Variants in GTF2F1 observed in about 807,000 individuals in gnomAD.
GTF2F1 encodes the protein general transcription factor IIF subunit 1, also known as general transcription factor IIF 74 kDa subunit.
Under a neutral mutation model 63.5 loss-of-function variants are expected in GTF2F1, and 39 were observed. That is an observed-to-expected ratio of 0.61 (90% CI 0.48 to 0.80). The LOEUF (loss-of-function observed/expected upper bound fraction) is 0.80, where lower values mean the gene tolerates loss of function less well. GTF2F1 is among the 30% of genes least tolerant of loss of function. The probability of loss-of-function intolerance (pLI) is 0.00; values close to 1 mark genes in which losing one functional copy is unlikely to be tolerated. For missense variants in GTF2F1, 657 were observed against 718.3 expected, an observed-to-expected ratio of 0.91 and a Z score of 0.97; for synonymous variants, 287 against 285.3, an observed-to-expected ratio of 1.01 and a Z score of -0.06.
intron 6 of GTF2F1, among the ~76,000 whole-genome samples, 182 bp from the exon 7 acceptor site, chr19:6,382,032 C>T (rs1289230862): frequency 6.6e-6 from 1 of 152,108 alleles, no homozygotes; most frequent in Non-Finnish European, 1.5e-5. Context: ...GCAGACCCCA[C>T]ACCCCCACCC....
intron 4 of GTF2F1, among the ~76,000 whole-genome samples, chr19:6,389,213 G>C (rs909240133): frequency 2.6e-5 from 4 of 152,094 alleles, no homozygotes; most frequent in African/African-American, 9.7e-5. Context: ...TCCAGCCTGG[G>C]CGACAGAGCA....
At position 6,391,884 on chromosome 19, in the gene GTF2F1, C is replaced by A; in HGVS notation, c.132+18G>T. On this transcript the variant is annotated intron_variant, in intron 3 of 12. Transcript: ENST00000394456. The stretch of plus-strand genomic sequence containing the variant: ...TCTCACCACCCCAGCCCCTGACCCC[C>A]AGGACTCAGAGACTTACCTGATTCC... 1.3e-6 allele frequency: 2 copies of A among 1,482,300 alleles called. No individual in the cohort carries two copies. The highest frequency in any genetic ancestry group is 2.3e-5 in the East Asian group (1 of 43,412). The allele number at this position is 1,482,300 out of a possible 1,614,324, so 91.8% of individuals were successfully genotyped here. A position where few individuals can be genotyped will look rare whatever the true frequency, so the allele number is the denominator to read the frequency against.
At chr19:6,384,602 T>G (rs1231937028) in intron 5 of GTF2F1, among the ~76,000 whole-genome samples, 1 of 151,732 alleles carries the variant, frequency 6.6e-6, no homozygotes, top group Non-Finnish European at 1.5e-5. Context: ...TGCTTAACAC[T>G]GTGAGTGGCT....
rs750911516 is a variant in GTF2F1 at position 6,393,021 on chromosome 19, G to C, written c.-26C>G. The C allele has an allele frequency of 3.7e-6, 6 of 1,613,356 alleles. No individual in the cohort carries two copies. Among genetic ancestry groups the C allele is most frequent in the South Asian group, 1.1e-5 (1 of 91,050 alleles). ...GGGCAATGGTCAGTGGTTCCGATCT[G>C]GTCCGACCCGGGTTCCTTTCGTCTC... On this transcript the variant is annotated 5_prime_UTR_variant, in exon 1 of 13. Transcript: ENST00000394456.
At chr19:6,392,757 G>T in intron 2 of GTF2F1, 100 bp downstream of exon 2, 1 of 1,194,204 alleles carries the variant, frequency 8.4e-7, no homozygotes, top group Non-Finnish European at 1.3e-6. Context: ...GGTCTGGAGG[G>T]AGAACCACAG....
intron 4 of GTF2F1, among the ~76,000 whole-genome samples, chr19:6,388,541 T>C (rs1327074300): frequency 2.0e-5 from 3 of 152,058 alleles, no homozygotes; most frequent in Non-Finnish European, 4.4e-5. Flanking sequence ...CTCTGAGAGG[T>C]CATCTCAAGT....
In GTF2F1 at chr19:6,381,938, T is replaced by C. The variant is rs2091953968; in HGVS notation, c.683-88A>G. 1 of 1,169,060 alleles carries C rather than the reference T, an allele frequency of 8.6e-7. No homozygotes were observed. Among genetic ancestry groups the C allele is most frequent in the African/African-American group, 1.5e-5 (1 of 65,588 alleles). The allele number at this position is 1,169,060 out of a possible 1,614,324, so 72.4% of individuals were successfully genotyped here. A position where few individuals can be genotyped will look rare whatever the true frequency, so the allele number is the denominator to read the frequency against. On this transcript the variant is annotated intron_variant, in intron 6 of 12. Transcript: ENST00000394456. The surrounding 1 kb of genome is among the most constrained non-coding windows in gnomAD (Gnocchi z 4.1). The stretch of plus-strand genomic sequence containing the variant: ...GTGTTTTTCACATTTTGTGCAGTTT[T>C]GACATCCTGGGGGGCCTCACTGACT...
At chr19:6,389,266 C>A (rs1368447846) in intron 4 of GTF2F1, among the ~76,000 whole-genome samples, 178 bp downstream of exon 4, 1 of 150,998 alleles carries the variant, frequency 6.6e-6, no homozygotes, top group Non-Finnish European at 1.5e-5. Context: ...AATAAGATAA[C>A]ATAAATAAAT....
rs1202302588 is a variant in GTF2F1 at position 6,393,011 on chromosome 19, G to A, written c.-16C>T. The A allele has an allele frequency of 6.2e-7, 1 of 1,613,792 alleles. No homozygotes were observed. On this transcript the variant is annotated 5_prime_UTR_variant, in exon 1 of 13. Transcript: ENST00000394456. ...GGGCCGCCATGGGCAATGGTCAGTG[G>A]TTCCGATCTGGTCCGACCCGGGTTC...
Position 6,380,851 on chromosome 19 carries a change from G to T in GTF2F1, c.1231+53C>A. 2 of 1,519,264 alleles carry T rather than the reference G, an allele frequency of 1.3e-6. No individual in the cohort carries two copies. Among genetic ancestry groups the T allele is most frequent in the Non-Finnish European group, 8.8e-7 (1 of 1,136,008 alleles). 94.1% of individuals were successfully genotyped at this position (1,519,264 alleles called of 1,614,324 possible). On this transcript the variant is annotated intron_variant, in intron 11 of 12. Coordinates refer to ENST00000394456, the MANE Select transcript of GTF2F1 (RefSeq NM_002096.3). This position sits in a 1 kb window ranked among gnomAD's most constrained non-coding sequence, Gnocchi z 5.3. ...CTCTCTGTCCTGAGCCCCAACAGAG[G>T]TCAGGAGGCTGTGGCTGTGGCTGTG...
In GTF2F1 at chr19:6,380,228, G is replaced by A; in HGVS notation, c.*53C>T. 7.0e-7 allele frequency: 1 copy of A among 1,422,538 alleles called. No individual in the cohort carries two copies. Among genetic ancestry groups the A allele is most frequent in the Admixed American group, 1.7e-5 (1 of 59,752 alleles). The allele number at this position is 1,422,538 out of a possible 1,614,324, so 88.1% of individuals were successfully genotyped here. A position where few individuals can be genotyped will look rare whatever the true frequency, so the allele number is the denominator to read the frequency against. On this transcript the variant is annotated 3_prime_UTR_variant, in exon 13 of 13. Coordinates refer to ENST00000394456, the MANE Select transcript of GTF2F1 (RefSeq NM_002096.3). The surrounding 1 kb of genome is among the most constrained non-coding windows in gnomAD (Gnocchi z 5.3). ...AGAGCCTCACTCTAGGATGGCGAAG[G>A]GGCAGTGAGAGCCTTAAGTTCTGGG...
chr19:6,381,488 G>A lies in GTF2F1; in HGVS notation c.899-10C>T, dbSNP rs781627280. The stretch of plus-strand genomic sequence containing the variant: ...CTCTGCTCATCGACACCTGGGAGGG[G>A]CAGGGTATGAGCAAGAGCAGGGAAG... On this transcript the variant is annotated splice_polypyrimidine_tract_variant and intron_variant, in intron 8 of 12. Transcript: ENST00000394456. This position sits in a 1 kb window ranked among gnomAD's most constrained non-coding sequence, Gnocchi z 4.1. The A allele has an allele frequency of 5.0e-6, 8 of 1,607,592 alleles. No individual in the cohort carries two copies. The African/African-American group carries it at 8.0e-5, about 16-fold the overall frequency.
At chr19:6,384,810 G>A (rs2091968200) in intron 5 of GTF2F1, among the ~76,000 whole-genome samples, 1 of 151,920 alleles carries the variant, frequency 6.6e-6, no homozygotes, top group South Asian at 2.1e-4. Flanking sequence ...TTGAGTTGGA[G>A]TCTTGATCTG....
intron 5 of GTF2F1, among the ~76,000 whole-genome samples, chr19:6,385,055 C>T (rs755304791): frequency 6.6e-6 from 1 of 151,906 alleles, no homozygotes; most frequent in Non-Finnish European, 1.5e-5. Context: ...CTCCACGTGC[C>T]CAGCCTGAAC....
At position 6,387,609 on chromosome 19, in the gene GTF2F1, C is replaced by A. The variant is rs755821462; in HGVS notation, c.327-50G>T. The A allele has an allele frequency of 2.3e-6, 3 of 1,300,324 alleles. No individual in the cohort carries two copies. The East Asian group carries it at 6.8e-5, about 30-fold the overall frequency. 80.5% of individuals were successfully genotyped at this position (1,300,324 alleles called of 1,614,324 possible). ...TGGCCCATAGGGACCAGCCCCAGCC[C>A]CCCCGTGTCCCCCCGGGGCCTGCCT... On this transcript the variant is annotated intron_variant, in intron 4 of 12. Coordinates refer to ENST00000394456, the MANE Select transcript of GTF2F1 (RefSeq NM_002096.3).
chr19:6,386,212 C>A (rs1461638415), intron 5 of GTF2F1, among the ~76,000 whole-genome samples: 1 of 151,950 alleles, frequency 6.6e-6, no homozygotes, highest in Non-Finnish European at 1.5e-5. Context: ...TGGTGAAACC[C>A]TGTCTCTACA....
chr19:6,381,522 C>T lies in GTF2F1; in HGVS notation c.898+32G>A, dbSNP rs769300843. 2 of 1,610,640 alleles carry T rather than the reference C, an allele frequency of 1.2e-6. No individual in the cohort carries two copies. Among genetic ancestry groups the T allele is most frequent in the South Asian group, 1.1e-5 (1 of 91,046 alleles). On this transcript the variant is annotated intron_variant, in intron 8 of 12. Coordinates refer to ENST00000394456, the MANE Select transcript of GTF2F1 (RefSeq NM_002096.3). The surrounding 1 kb of genome is among the most constrained non-coding windows in gnomAD (Gnocchi z 4.1). Reference sequence around the variant, plus strand: ...GAGCAAGAGCAGGGAAGCACCGCCCCCATCTCCCCGGCCCGCCCAGCCATC... The same window carrying T: ...GAGCAAGAGCAGGGAAGCACCGCCCTCATCTCCCCGGCCCGCCCAGCCATC...
At chr19:6,386,589 G>T (rs956982893) in intron 5 of GTF2F1, among the ~76,000 whole-genome samples, 3 of 151,844 alleles carry the variant, frequency 2.0e-5, no homozygotes, top group African/African-American at 2.4e-5. Flanking sequence ...GACTACAGGC[G>T]CCCGCCACCA....
chr19:6,380,134 G>T lies in GTF2F1; in HGVS notation c.*147C>A. On this transcript the variant is annotated 3_prime_UTR_variant, in exon 13 of 13. Transcript: ENST00000394456. This position sits in a 1 kb window ranked among gnomAD's most constrained non-coding sequence, Gnocchi z 5.3. ...GCTAACTACGGGGCCCTGGGAGTCA[G>T]GGAGCAAGCAGGATGTCGAAGGGTC... The T allele has an allele frequency of 1.3e-6, 1 of 750,566 alleles. No homozygotes were observed. The highest frequency in any genetic ancestry group is 1.6e-5 in the South Asian group (1 of 63,744). 46.5% of individuals were successfully genotyped at this position (750,566 alleles called of 1,614,324 possible).
Sources: allele counts gnomAD v4.1 joint callset (sites outside exome capture counted in the v4.1 genomes callset), GRCh38; gene constraint gnomAD v4.1.1; non-coding constraint Gnocchi (gnomAD v3.1); transcripts MANE v1.5; gene names NCBI Gene and HGNC (gene_info 2026-07-23, HGNC 2026-07-21).